ENTREP2: variants seen among roughly 807,000 people sequenced by gnomAD.
ENTREP2 encodes the protein endosomal transmembrane epsin interactor 2, also known as protein ENTREP2.
chr15:29,570,154 G>A, the ENTREP2 span, among the ~76,000 whole-genome samples: 2 of 151,304 alleles, frequency 1.3e-5, no homozygotes, highest in Non-Finnish European at 3.0e-5. Context: ...CGCCTCGGCC[G>A]CGGCCGCTCG....
the ENTREP2 span, among the ~76,000 whole-genome samples, chr15:29,549,491 C>T: frequency 6.6e-6 from 1 of 152,118 alleles, no homozygotes; most frequent in African/African-American, 2.4e-5. Context: ...AGGATGGTCT[C>T]AATCTCCTGA....
chr15:29,407,357 C>A, the ENTREP2 span, among the ~76,000 whole-genome samples: 1 of 152,174 alleles, frequency 6.6e-6, no homozygotes, highest in African/African-American at 2.4e-5. Context: ...TTGAGGGAAG[C>A]GTTGGTGTGT....
At chr15:29,155,002 G>A in the ENTREP2 span, among the ~76,000 whole-genome samples, 1 of 151,004 alleles carries the variant, frequency 6.6e-6, no homozygotes, top group African/African-American at 2.4e-5. Context: ...GGCAGAACCG[G>A]CCGGGCGTGG....
At chr15:29,567,584 T>A in the ENTREP2 span, among the ~76,000 whole-genome samples, 1 of 152,132 alleles carries the variant, frequency 6.6e-6, no homozygotes, top group African/African-American at 2.4e-5. Context: ...GGCTTTGGCT[T>A]GGAACAGAGT....
the ENTREP2 span, among the ~76,000 whole-genome samples, chr15:29,640,862 G>A: frequency 6.6e-6 from 1 of 151,982 alleles, no homozygotes; most frequent in Non-Finnish European, 1.5e-5. Context: ...CAAAAACAAA[G>A]ATATCACAAG....
chr15:29,660,225 GC>G, the ENTREP2 span, among the ~76,000 whole-genome samples: 285 of 152,286 alleles, frequency 1.9e-3, 2 homozygotes, highest in African/African-American at 6.4e-3. Context: ...GTTCAAATGT[GC>G]CCCCTCCAAA....
the ENTREP2 span, among the ~76,000 whole-genome samples, chr15:29,536,951 C>T: frequency 6.6e-6 from 1 of 152,120 alleles, no homozygotes; most frequent in Non-Finnish European, 1.5e-5. Context: ...AGAGGGAGCA[C>T]AGCTCTGTTG....
At chr15:29,379,495 G>A in the ENTREP2 span, among the ~76,000 whole-genome samples, 1 of 152,294 alleles carries the variant, frequency 6.6e-6, no homozygotes, top group East Asian at 1.9e-4. Flanking sequence ...TTAGTCCATG[G>A]AAGGTCAGTG....
At chr15:29,119,321 C>T in the ENTREP2 span, among the ~76,000 whole-genome samples, 58 of 50,788 alleles carry the variant, frequency 1.1e-3, 22 homozygotes, top group Admixed American at 4.4e-3. Flanking sequence ...AAATTGGAAA[C>T]CATCATTCTC....
At chr15:29,570,367 C>T in the ENTREP2 span, 1 of 442,176 alleles carries the variant, frequency 2.3e-6, no homozygotes, top group Non-Finnish European at 3.6e-6. Flanking sequence ...CGAACTGCGC[C>T]CCGCGCTGCA....
At chr15:29,200,332 T>G in the ENTREP2 span, among the ~76,000 whole-genome samples, 26 of 152,158 alleles carry the variant, frequency 1.7e-4, no homozygotes, top group African/African-American at 5.8e-4. Context: ...CACGCCACCA[T>G]GCCTAGCTAA....
chr15:29,409,747 C>T, the ENTREP2 span, among the ~76,000 whole-genome samples: 1 of 152,138 alleles, frequency 6.6e-6, no homozygotes, highest in Non-Finnish European at 1.5e-5. Flanking sequence ...CAGGCATGAG[C>T]CACCTCGCCT....
the ENTREP2 span, among the ~76,000 whole-genome samples, chr15:29,648,605 T>A: frequency 3.9e-5 from 6 of 152,198 alleles, no homozygotes; most frequent in African/African-American, 1.4e-4. Context: ...TTTTAAATGA[T>A]CAAGGTCAAT....
At chr15:29,382,989 T>G in the ENTREP2 span, among the ~76,000 whole-genome samples, 3 of 151,960 alleles carry the variant, frequency 2.0e-5, no homozygotes, top group African/African-American at 7.3e-5. Context: ...TCCTGTGGCT[T>G]CTCACTCCCC....
chr15:29,199,597 A>G, the ENTREP2 span, among the ~76,000 whole-genome samples: 1 of 152,206 alleles, frequency 6.6e-6, no homozygotes, highest in African/African-American at 2.4e-5. Flanking sequence ...ACAAATAATA[A>G]AACAATTTTA....
chr15:29,656,453 C>T, the ENTREP2 span, among the ~76,000 whole-genome samples: 1 of 152,188 alleles, frequency 6.6e-6, no homozygotes, highest in Non-Finnish European at 1.5e-5. Flanking sequence ...TCTTGAACTC[C>T]TGAGTGCAGG....
At chr15:29,513,420 T>C in the ENTREP2 span, among the ~76,000 whole-genome samples, 1 of 152,202 alleles carries the variant, frequency 6.6e-6, no homozygotes, top group African/African-American at 2.4e-5. Flanking sequence ...GGAACCTAGT[T>C]TGAAAACCAT....
At chr15:29,641,294 G>A in the ENTREP2 span, among the ~76,000 whole-genome samples, 11 of 151,968 alleles carry the variant, frequency 7.2e-5, no homozygotes, top group Admixed American at 1.3e-4. Context: ...ATATTATACC[G>A]GAAGTTCTAG....
the ENTREP2 span, among the ~76,000 whole-genome samples, chr15:29,365,386 G>A: frequency 2.6e-5 from 4 of 151,632 alleles, no homozygotes; most frequent in Non-Finnish European, 5.9e-5. Context: ...CCAAATAGCT[G>A]GGATTACAGG....
Sources: gnomAD v4.1 joint callset for allele counts (sites outside exome capture counted in the v4.1 genomes callset) on GRCh38, gnomAD v4.1.1 for gene constraint, MANE v1.5 for transcripts, NCBI Gene and HGNC (gene_info 2026-07-23, HGNC 2026-07-21) for gene names.